The following RB1CC1 variants were observed in gnomAD, a reference collection of about 807,000 sequenced individuals.
RB1CC1 encodes the protein RB1-inducible coiled-coil protein 1.
RB1CC1 carries 46 observed loss-of-function variants against 177.5 expected under a neutral mutation model. The ratio of observed to expected loss-of-function variants is 0.26; its 90% CI spans 0.20 to 0.33. The LOEUF is 0.33. RB1CC1 is among the 10% of genes least tolerant of loss of function. RB1CC1 has a pLI of 1.00. For missense variants in RB1CC1, 1,703 were observed against 1,816.3 expected, an observed-to-expected ratio of 0.94 and a Z score of 1.13; for synonymous variants, 666 against 613.6, an observed-to-expected ratio of 1.09 and a Z score of -1.26.
At chr8:52,645,343 A>G (rs2150421054) in intron 16 of RB1CC1, among the ~76,000 whole-genome samples, 1 of 152,312 alleles carries the variant, frequency 6.6e-6, no homozygotes, top group South Asian at 2.1e-4. Context: ...ATTTCATAGA[A>G]AACTAATCTT....
At chr8:52,673,567 C>T (rs916345229) in intron 7 of RB1CC1, among the ~76,000 whole-genome samples, 32 of 152,134 alleles carry the variant, frequency 2.1e-4, no homozygotes, top group African/African-American at 7.2e-4. Context: ...TTATTTCTTG[C>T]ATGAACCACT....
At chr8:52,692,649 T>G (rs139436541) in intron 1 of RB1CC1, among the ~76,000 whole-genome samples, 1 of 152,198 alleles carries the variant, frequency 6.6e-6, no homozygotes, top group South Asian at 2.1e-4. Context: ...ATGAACATAC[T>G]ACATTAAAAT....
At chr8:52,703,236 C>A (rs1346483292) in intron 1 of RB1CC1, among the ~76,000 whole-genome samples, 1 of 152,148 alleles carries the variant, frequency 6.6e-6, no homozygotes, top group African/African-American at 2.4e-5. Context: ...ACCTTATTCC[C>A]ATTAAGCTAT....
chr8:52,627,129 A>AC (rs1848452446), intron 22 of RB1CC1, among the ~76,000 whole-genome samples: 1 of 152,020 alleles, frequency 6.6e-6, no homozygotes, highest in Non-Finnish European at 1.5e-5. Flanking sequence ...CAGGCAGATC[A>AC]CAAGGTCAGG....
At chr8:52,648,296 C>A (rs188973099) in intron 15 of RB1CC1, among the ~76,000 whole-genome samples, 5 of 152,114 alleles carry the variant, frequency 3.3e-5, no homozygotes, top group African/African-American at 1.2e-4. Context: ...ATTAATCCGG[C>A]CAAAAGTACA....
chr8:52,623,904 C>T (rs767320112), intron 23 of RB1CC1, 45 bp from the exon 24 acceptor site: 4 of 1,237,500 alleles, frequency 3.2e-6, no homozygotes, highest in African/African-American at 1.5e-5. Flanking sequence ...GATTAAACCA[C>T]ATCTCTCTCT....
At chr8:52,671,882 G>A (rs1186098728) in intron 7 of RB1CC1, among the ~76,000 whole-genome samples, 2 of 151,902 alleles carry the variant, frequency 1.3e-5, no homozygotes, top group Non-Finnish European at 2.9e-5. Context: ...AATCTAATGG[G>A]CATATACAAC....
At chr8:52,644,837 G>A (rs997827698) in intron 16 of RB1CC1, among the ~76,000 whole-genome samples, 10 of 152,122 alleles carry the variant, frequency 6.6e-5, no homozygotes, top group Admixed American at 1.3e-4. Flanking sequence ...AATATTACAT[G>A]TGTACAATAA....
At chr8:52,685,570 C>CA (rs1854200776) in intron 2 of RB1CC1, 50 bp from the exon 3 acceptor site, 1 of 657,486 alleles carries the variant, frequency 1.5e-6, no homozygotes, top group African/African-American at 1.8e-5. Context: ...ACTACAATCA[C>CA]AAATACTATC....
At chr8:52,666,307 T>C (rs1316113121) in intron 8 of RB1CC1, among the ~76,000 whole-genome samples, 2 of 150,816 alleles carry the variant, frequency 1.3e-5, no homozygotes, top group Non-Finnish European at 1.5e-5. Context: ...AGGCCTGAGG[T>C]TAGGAATTTG....
intron 1 of RB1CC1, among the ~76,000 whole-genome samples, chr8:52,707,433 T>C (rs1401131421): frequency 2.5e-5 from 1 of 40,088 alleles, no homozygotes; most frequent in African/African-American, 6.2e-5. Flanking sequence ...TCTTTCTTTC[T>C]TTTTTTTTTT....
rs766161085 is a variant in RB1CC1 at position 52,657,242 on chromosome 8, G to A, written c.2587C>T (p.His863Tyr). 3 of 1,593,828 alleles carry A rather than the reference G, an allele frequency of 1.9e-6. No individual in the cohort carries two copies. The highest frequency in any genetic ancestry group is 3.4e-5 in the Admixed American group (2 of 58,960). The part of the protein sequence containing the change: ...CSLEITLKEK[H>Y]QKELLSLKNE... ...TTTAAAGACAGTAGTTCTTTTTGAT[G>A]TTTTTCTTTTAGTGTTATTTCCAGA... Residue 863 changes from histidine (H) to tyrosine (Y), a missense_variant, in exon 15 of 24, where the codon CAT becomes TAT. Around this residue, in one of 6 missense-constraint regions of RB1CC1, gnomAD observed 1,169 missense variants for 1,184.7 expected, o/e 0.99. Transcript: ENST00000025008.
rs757218562 is a variant in RB1CC1, at chr8:52,667,978, A to C, written c.1173+43T>G. The C allele has an allele frequency of 3.2e-6, 5 of 1,572,452 alleles. No individual in the cohort carries two copies. In the East Asian group the frequency reaches 1.1e-4, roughly 35 times the overall value. On this transcript the variant is annotated intron_variant, in intron 8 of 23. Transcript: ENST00000025008. ...CTGCATATAAAACATGTGTACAAAA[A>C]AACTATAAATTCCTTTTCCTGAGAA... is the stretch of plus-strand genomic sequence containing the variant.
At chr8:52,691,218 A>C (rs550475457) in intron 1 of RB1CC1, among the ~76,000 whole-genome samples, 1 of 152,290 alleles carries the variant, frequency 6.6e-6, no homozygotes, top group South Asian at 2.1e-4. Context: ...TTTCAATCAG[A>C]AGCTTTAGAA....
chr8:52,712,170 CA>C (rs1218605676), intron 1 of RB1CC1, among the ~76,000 whole-genome samples: 2 of 152,034 alleles, frequency 1.3e-5, no homozygotes, highest in Non-Finnish European at 2.9e-5. Flanking sequence ...TGTCTTAGGC[CA>C]GTATTACTAC....
Position 52,623,168 on chromosome 8 carries a change from G to T in RB1CC1, c.*614C>A. 6.4e-6 allele frequency: 1 copy of T among 156,896 alleles called. No homozygotes were observed. The highest frequency in any genetic ancestry group is 1.4e-5 in the Non-Finnish European group (1 of 71,112). 9.7% of individuals were successfully genotyped at this position (156,896 alleles called of 1,614,324 possible). On this transcript the variant is annotated 3_prime_UTR_variant, in exon 24 of 24. Coordinates refer to ENST00000025008, the MANE Select transcript of RB1CC1 (RefSeq NM_014781.5). ...CTTTTGAAGATTGCTGATTACTTAT[G>T]GCTGATCTTAAAATCAGTCAATCAA...
At chr8:52,666,131 G>A (rs565937170) in intron 8 of RB1CC1, among the ~76,000 whole-genome samples, 33 of 152,034 alleles carry the variant, frequency 2.2e-4, no homozygotes, top group African/African-American at 7.2e-4. Context: ...AGAAGAAAAC[G>A]TTATCCTAGG....
intron 6 of RB1CC1, 65 bp from the exon 7 acceptor site, chr8:52,674,339 GAATGAAATC>G: frequency 7.4e-7 from 1 of 1,349,656 alleles, no homozygotes. Flanking sequence ...TAGCATGTTT[GAATGAAATC>G]ACATATTATT....
At chr8:52,666,779 A>G (rs1472637895) in intron 8 of RB1CC1, among the ~76,000 whole-genome samples, 1 of 151,766 alleles carries the variant, frequency 6.6e-6, no homozygotes, top group South Asian at 2.1e-4. Flanking sequence ...CCACTAAAAA[A>G]AGAGAAAAAG....
Sources: allele counts gnomAD v4.1 joint callset (sites outside exome capture counted in the v4.1 genomes callset), GRCh38; gene constraint gnomAD v4.1.1; regional missense constraint gnomAD v4.1.1; transcripts MANE v1.5; gene names NCBI Gene and HGNC (gene_info 2026-07-23, HGNC 2026-07-21).